Variants in MTCH2 observed in about 807,000 individuals in gnomAD.
MTCH2 encodes mitochondrial carrier homolog 2.
Under a neutral mutation model 50.6 loss-of-function variants are expected in MTCH2, and 25 were observed. The ratio of observed to expected loss-of-function variants is 0.49; its 90% confidence interval spans 0.36 to 0.69. The LOEUF (loss-of-function observed/expected upper bound fraction) is 0.69, where lower values mean the gene tolerates loss of function less well. Among genes scored for constraint, MTCH2 ranks in the 30% least tolerant of loss-of-function variants. The pLI is 0.00. For missense variants in MTCH2, 273 were observed against 384.4 expected (o/e 0.71, Z 2.42); for synonymous variants, 106 against 132.0 (o/e 0.80, Z 1.35).
intron 11 of MTCH2, 47 bp downstream of exon 11, chr11:47,625,627 A>G (rs756811078): frequency 8.8e-7 from 1 of 1,140,408 alleles, no homozygotes; most frequent in South Asian, 2.2e-5. Context: ...TCCGCCTGTC[A>G]GCATACAGTC....
At chr11:47,620,514 A>G (rs1162381485) in intron 12 of MTCH2, among the ~76,000 whole-genome samples, 1 of 151,760 alleles carries the variant, frequency 6.6e-6, no homozygotes, top group Non-Finnish European at 1.5e-5. Context: ...TTAACAGGAC[A>G]TGGTGGAAGC....
chr11:47,638,583 A>G, intron 3 of MTCH2, 116 bp downstream of exon 3: 3 of 523,366 alleles, frequency 5.7e-6, no homozygotes, highest in Non-Finnish European at 6.5e-6. Context: ...GTTTTTCAAG[A>G]GGAAGAAAGG....
the MTCH2 span, among the ~76,000 whole-genome samples, chr11:47,611,755 G>A: frequency 1.2e-4 from 18 of 152,278 alleles, 1 homozygote; most frequent in South Asian, 3.7e-3. Context: ...CCGTATTGTG[G>A]TATGGTACTG....
chr11:47,605,308 C>T, the MTCH2 span, among the ~76,000 whole-genome samples: 566 of 152,256 alleles, frequency 3.7e-3, 9 homozygotes, highest in East Asian at 0.027. Flanking sequence ...TTTTAAGCAG[C>T]TGCTCCATTC....
chr11:47,622,319 C>T (rs1447568979), intron 12 of MTCH2, among the ~76,000 whole-genome samples: 2 of 152,068 alleles, frequency 1.3e-5, no homozygotes, highest in Admixed American at 6.6e-5. Context: ...CTGTCAATAC[C>T]ACTGTGACAA....
chr11:47,624,583 T>C (rs2097296282), intron 11 of MTCH2, among the ~76,000 whole-genome samples: 3 of 151,998 alleles, frequency 2.0e-5, no homozygotes, highest in Admixed American at 2.0e-4. Flanking sequence ...GGAGAATCAC[T>C]TGAGCCTAGA....
intron 5 of MTCH2, among the ~76,000 whole-genome samples, chr11:47,633,965 G>A (rs2097306124): frequency 6.6e-6 from 1 of 152,134 alleles, no homozygotes. Context: ...AACACCTATG[G>A]CAGCATATGG....
intron 7 of MTCH2, 148 bp from the exon 8 acceptor site, chr11:47,630,762 C>A: frequency 1.3e-6 from 1 of 790,084 alleles, no homozygotes. Context: ...GCAAAGATAG[C>A]TAAATTTGGA....
chr11:47,625,328 C>T (rs907786464), intron 11 of MTCH2, among the ~76,000 whole-genome samples: 9 of 150,572 alleles, frequency 6.0e-5, no homozygotes, highest in African/African-American at 1.5e-4. Flanking sequence ...GAGGCTGAGG[C>T]GGGACAATCA....
intron 10 of MTCH2, among the ~76,000 whole-genome samples, chr11:47,626,318 G>A (rs957350983): frequency 2.0e-5 from 3 of 149,608 alleles, no homozygotes; most frequent in South Asian, 4.2e-4. Context: ...GTGAGCCACC[G>A]CGCCTGCCCC....
At chr11:47,631,156 C>T (rs1369293021) in intron 6 of MTCH2, 69 bp from the exon 7 acceptor site, 2 of 1,349,180 alleles carry the variant, frequency 1.5e-6, no homozygotes, top group East Asian at 4.6e-5. Flanking sequence ...CACCTGTAAT[C>T]CCAGCACTTT....
chr11:47,604,999 TG>T, the MTCH2 span, among the ~76,000 whole-genome samples: 1 of 151,994 alleles, frequency 6.6e-6, no homozygotes, highest in Non-Finnish European at 1.5e-5. Flanking sequence ...GGCGAGATCT[TG>T]GCTCACTGCA....
intron 2 of MTCH2, 54 bp from the exon 3 acceptor site, chr11:47,638,859 A>C (rs2097311382): frequency 3.2e-6 from 5 of 1,566,778 alleles, no homozygotes; most frequent in Non-Finnish European, 4.3e-6. Context: ...AAATGGATAT[A>C]CTACAATTTC....
chr11:47,613,738 G>T (rs1438713590), downstream of MTCH2, among the ~76,000 whole-genome samples: 1 of 151,782 alleles, frequency 6.6e-6, no homozygotes, highest in Admixed American at 6.6e-5. Context: ...TTGGGAGCTT[G>T]TTCACTGCTT....
chr11:47,635,642 C>A (rs1386422563), intron 3 of MTCH2, 71 bp from the exon 4 acceptor site: 3 of 1,440,778 alleles, frequency 2.1e-6, no homozygotes, highest in African/African-American at 2.9e-5. Context: ...AAAATGAAAA[C>A]TCTACTGACA....
At chr11:47,633,135 G>A (rs1353971889) in intron 5 of MTCH2, among the ~76,000 whole-genome samples, 3 of 140,646 alleles carry the variant, frequency 2.1e-5, no homozygotes, top group African/African-American at 7.9e-5. Context: ...TTTTTGAGAG[G>A]GAGTCTCGCT....
rs375566529 is a variant in MTCH2, at chr11:47,626,569, CTTTAT to C, written c.681+506_681+510del. Among the ~76,000 whole-genome samples, 100 of 152,158 alleles carry C rather than the reference CTTTAT, an allele frequency of 6.6e-4. 1 individual carries two copies. The highest frequency in any genetic ancestry group is 2.4e-3 in the African/African-American group (98 of 41,538). On this transcript the variant is annotated intron_variant, in intron 10 of 12. Transcript: ENST00000302503. ...TGAGGCAGGGGTTCTGCCTTACTCT[CTTTAT>C]TTTCACATGTGAGTCTGTGGTTCCT...
At chr11:47,625,235 A>G (rs1322038420) in intron 11 of MTCH2, among the ~76,000 whole-genome samples, 1 of 152,040 alleles carries the variant, frequency 6.6e-6, no homozygotes, top group Non-Finnish European at 1.5e-5. Flanking sequence ...AGCCTGGCCA[A>G]CATGGTGAAA....
chr11:47,642,485 C>G lies in MTCH2; in HGVS notation c.-20G>C. On this transcript the variant is annotated 5_prime_UTR_variant, in exon 1 of 13. Transcript: ENST00000302503. ...CGCCATGATGGCACCCGCGGGCGGA[C>G]GGACAGACAGACGGAGCCACCAAGC... The G allele has an allele frequency of 6.8e-7, 1 of 1,470,756 alleles. No homozygotes were observed. The highest frequency in any genetic ancestry group is 9.0e-7 in the Non-Finnish European group (1 of 1,113,964). 91.1% of individuals were successfully genotyped at this position (1,470,756 alleles called of 1,614,324 possible). A position where few individuals can be genotyped will look rare whatever the true frequency, so the allele number is the denominator to read the frequency against.
Sources: allele counts gnomAD v4.1 joint callset (sites outside exome capture counted in the v4.1 genomes callset), GRCh38; gene constraint gnomAD v4.1.1; transcripts MANE v1.5; gene names NCBI Gene and HGNC (gene_info 2026-07-23, HGNC 2026-07-21).